TBC1D1: variants seen among roughly 807,000 people sequenced by gnomAD.
The protein encoded by TBC1D1 is TBC1 (tre-2/USP6, BUB2, cdc16) domain family, member 1.
A neutral mutation model predicts 125.6 loss-of-function variants in TBC1D1; 89 were observed. The ratio of observed to expected loss-of-function variants is 0.71; its 90% CI spans 0.60 to 0.85. The LOEUF is 0.85. Ranked by LOEUF, TBC1D1 falls within the 40% of genes least tolerant of loss-of-function variation. The probability of loss-of-function intolerance (pLI) is 0.00; values close to 1 mark genes in which losing one functional copy is unlikely to be tolerated. For missense variants in TBC1D1, 1,377 were observed against 1,469.2 expected, an observed-to-expected ratio of 0.94 and a Z score of 1.03; for synonymous variants, 565 against 564.1, an observed-to-expected ratio of 1.00 and a Z score of -0.02.
chr4:38,114,741 G>GT (rs1762689224), intron 15 of TBC1D1, among the ~76,000 whole-genome samples: 1 of 151,402 alleles, frequency 6.6e-6, no homozygotes, highest in Non-Finnish European at 1.5e-5. Context: ...TTGAATAACA[G>GT]TTTTTTGTGA....
chr4:38,104,149 G>A (rs1760852033), intron 15 of TBC1D1, among the ~76,000 whole-genome samples: 1 of 103,660 alleles, frequency 9.6e-6, no homozygotes, highest in African/African-American at 3.9e-5. Context: ...GACAGAATGA[G>A]ACTCTGTCTC....
intron 19 of TBC1D1, among the ~76,000 whole-genome samples, chr4:38,134,732 C>T (rs1276655455): frequency 6.6e-6 from 1 of 152,228 alleles, no homozygotes; most frequent in African/African-American, 2.4e-5. Context: ...TCATGCTGCT[C>T]CTGTGCTATT....
chr4:38,130,841 G>A (rs1765470144), intron 18 of TBC1D1, among the ~76,000 whole-genome samples: 1 of 152,230 alleles, frequency 6.6e-6, no homozygotes, highest in Non-Finnish European at 1.5e-5. Flanking sequence ...CCAAAGGATT[G>A]GGTTTTTAAT....
intron 15 of TBC1D1, among the ~76,000 whole-genome samples, chr4:38,108,739 T>C (rs1284100272): frequency 6.6e-6 from 1 of 152,240 alleles, no homozygotes; most frequent in Non-Finnish European, 1.5e-5. Context: ...GAAAAGAAAC[T>C]ATAATCCAAT....
At chr4:38,106,190 G>A (rs10013783) in intron 15 of TBC1D1, among the ~76,000 whole-genome samples, 64,759 of 152,058 alleles carry the variant, frequency 0.43, 14,151 homozygotes, top group East Asian at 0.63. Flanking sequence ...GATTCAGAGT[G>A]TGAGACACTG....
chr4:38,091,169 A>G (rs1363325162), intron 13 of TBC1D1, among the ~76,000 whole-genome samples: 1 of 152,222 alleles, frequency 6.6e-6, no homozygotes, highest in Non-Finnish European at 1.5e-5. Flanking sequence ...ATGTAAAGAG[A>G]TAGTGTCTAT....
chr4:38,127,765 G>A (rs541137560), intron 18 of TBC1D1, among the ~76,000 whole-genome samples: 45 of 152,196 alleles, frequency 3.0e-4, no homozygotes, highest in Admixed American at 2.0e-3. Context: ...TAACATGCCC[G>A]GCCCCTTGTA....
At chr4:37,940,679 T>C (rs1725379390) in intron 2 of TBC1D1, among the ~76,000 whole-genome samples, 1 of 152,204 alleles carries the variant, frequency 6.6e-6, no homozygotes, top group African/African-American at 2.4e-5. Context: ...ATAGCTCTTA[T>C]TATTTTGAGA....
rs761804798 is a variant in TBC1D1, at chr4:38,049,860, G to T, written c.1872G>T (p.Arg624Ser). The change falls in exon 11 of 20, where the codon AGG becomes AGT. Residue 624 changes from arginine (R) to serine (S), a missense_variant. Around this residue, in one of 3 missense-constraint regions of TBC1D1, gnomAD observed 822 missense variants for 824.6 expected, o/e 1.00. Transcript: ENST00000261439. ...GGGTTTCGCAAAGGAAACTTATGAG[G>T]TATCACTCAGTGAGCACAGAGACGC... 3.7e-6 allele frequency: 6 copies of T among 1,614,008 alleles called. No homozygotes were observed. The South Asian group carries it at 4.4e-5, about 12-fold the overall frequency.
At chr4:38,029,712 G>C (rs1310298543) in intron 7 of TBC1D1, among the ~76,000 whole-genome samples, 1 of 152,136 alleles carries the variant, frequency 6.6e-6, no homozygotes, top group African/African-American at 2.4e-5. Context: ...TTATTCCCTT[G>C]TTCTCCTTCT....
Position 38,065,184 on chromosome 4 carries a change from G to A in TBC1D1, c.2050+10846G>A, listed in dbSNP as rs1295422103. Among the ~76,000 whole-genome samples the A allele has an allele frequency of 2.6e-5, 4 of 152,148 alleles. No individual in the cohort carries two copies. The East Asian group carries it at 7.7e-4, about 29-fold the overall frequency. ...AACTCCTGACCTCAAGTGGCCTCAA[G>A]AGGCCAATCCGCCTTGGCCTCCCCA... On this transcript the variant is annotated intron_variant, in intron 12 of 19. Coordinates refer to ENST00000261439, the MANE Select transcript of TBC1D1 (RefSeq NM_015173.4).
chr4:38,005,007 G>T (rs916120337), intron 2 of TBC1D1, among the ~76,000 whole-genome samples: 1 of 151,784 alleles, frequency 6.6e-6, no homozygotes, highest in Non-Finnish European at 1.5e-5. Flanking sequence ...TGGCAGGGAG[G>T]GGGAGGGAGA....
At chr4:37,952,128 C>T in intron 2 of TBC1D1, 1 of 715,184 alleles carries the variant, frequency 1.4e-6, no homozygotes, top group Non-Finnish European at 2.6e-6. Flanking sequence ...GCAAGGCCTG[C>T]AGTCATGATG....
chr4:37,934,540 G>A (rs1723982238), intron 2 of TBC1D1, among the ~76,000 whole-genome samples: 1 of 152,184 alleles, frequency 6.6e-6, no homozygotes, highest in African/African-American at 2.4e-5. Flanking sequence ...TGTGTCCCAG[G>A]CCTGAGAGTT....
intron 2 of TBC1D1, among the ~76,000 whole-genome samples, chr4:37,914,794 C>T (rs1430715665): frequency 2.0e-5 from 3 of 152,224 alleles, no homozygotes; most frequent in Non-Finnish European, 4.4e-5. Flanking sequence ...CAACCTCATT[C>T]TTCACCTGGG....
rs768313925 is a variant in TBC1D1 at position 38,103,021 on chromosome 4, T to A, written c.2421T>A (p.Gly807=). 2 of 1,614,052 alleles carry A rather than the reference T, an allele frequency of 1.2e-6. No individual in the cohort carries two copies. The highest frequency in any genetic ancestry group is 2.7e-5 in the African/African-American group (2 of 74,934). The change falls in exon 15 of 20, where the codon GGT becomes GGA. Residue 807 remains glycine (G), a synonymous_variant. Coordinates refer to ENST00000261439, the MANE Select transcript of TBC1D1 (RefSeq NM_015173.4). ...AAGGTGTGCCACGTCATCACCGAGG[T>A]GAAATCTGGAAATTTCTAGCTGAGC...
intron 17 of TBC1D1, among the ~76,000 whole-genome samples, chr4:38,122,642 G>A (rs528294435): frequency 2.6e-5 from 4 of 152,072 alleles, no homozygotes; most frequent in African/African-American, 9.7e-5. Flanking sequence ...TCTCTGCAGC[G>A]TGTTCTTTGT....
chr4:38,116,047 AG>A, intron 16 of TBC1D1, 93 bp downstream of exon 18: 7 of 1,422,996 alleles, frequency 4.9e-6, no homozygotes, highest in Non-Finnish European at 6.8e-6. Flanking sequence ...TTTCACCGTC[AG>A]GTAACATTGT....
Position 38,137,173 on chromosome 4 carries a change from T to C in TBC1D1, c.3345T>C (p.Ile1115=), listed in dbSNP as rs1766772538. 1 of 1,613,444 alleles carries C rather than the reference T, an allele frequency of 6.2e-7. No homozygotes were observed. The highest frequency in any genetic ancestry group is 1.1e-5 in the South Asian group (1 of 91,038). ...GGATCCAAAGCCTTGAGGCCACCAT[T>C]GAGAAGCTCCTGAGCAGTGAGAGCA... is the stretch of plus-strand genomic sequence containing the variant. The change falls in exon 20 of 20, where the codon ATT becomes ATC. Residue 1115 remains isoleucine (I), a synonymous_variant. Transcript: ENST00000261439.
Sources: gnomAD v4.1 joint callset for allele counts (sites outside exome capture counted in the v4.1 genomes callset) on GRCh38, gnomAD v4.1.1 for gene constraint, gnomAD v4.1.1 regional missense constraint, MANE v1.5 for transcripts, NCBI Gene and HGNC (gene_info 2026-07-23, HGNC 2026-07-21) for gene names.